The following ZZEF1 variants were observed in gnomAD, a reference collection of about 807,000 sequenced individuals.
ZZEF1 encodes zinc finger ZZ-type and EF-hand domain containing 1, also known as zinc finger ZZ-type and EF-hand domain-containing protein 1.
In ZZEF1, 157 loss-of-function variants were observed where a neutral mutation model predicts 342.8. The ratio of observed to expected loss-of-function variants is 0.46; its 90% confidence interval spans 0.40 to 0.52. ZZEF1 has a LOEUF of 0.52. Among genes scored for constraint, ZZEF1 ranks in the 20% least tolerant of loss-of-function variants. ZZEF1 has a pLI of 0.00. For missense variants in ZZEF1, 3,480 were observed against 3,725.6 expected, an observed-to-expected ratio of 0.93 and a Z score of 1.72; for synonymous variants, 1,505 against 1,429.1, an observed-to-expected ratio of 1.05 and a Z score of -1.20.
chr17:4,085,856 T>C, intron 15 of ZZEF1, 53 bp from the exon 16 acceptor site: 1 of 1,602,644 alleles, frequency 6.2e-7, no homozygotes, highest in Admixed American at 1.7e-5. Flanking sequence ...TATTCGCTTA[T>C]ACATCTGCTA....
intron 19 of ZZEF1, 118 bp downstream of exon 19, chr17:4,077,765 C>T (rs2057650273): frequency 9.1e-7 from 1 of 1,098,972 alleles, no homozygotes; most frequent in African/African-American, 1.6e-5. Flanking sequence ...GTCCAAGAAT[C>T]TGAATCGTAA....
rs1420384649 is a variant in ZZEF1 at position 4,086,559 on chromosome 17, C to T, written c.2439G>A (p.Glu813=). 1.2e-6 allele frequency: 2 copies of T among 1,614,062 alleles called. No individual in the cohort carries two copies. The highest frequency in any genetic ancestry group is 4.5e-5 in the East Asian group (2 of 44,892). Residue 813 remains glutamate (E), a synonymous_variant, in exon 15 of 55, where the codon GAG becomes GAA. Transcript: ENST00000381638. ...VLQGDVLAAS[E]EEKAPIQSPK... is the part of the protein sequence containing the mutation. ...GGCTTTGGATTGGAGCCTTTTCCTC[C>T]TCAGAAGCAGCCAGTACATCTCCCT...
intron 28 of ZZEF1, among the ~76,000 whole-genome samples, chr17:4,065,958 C>T (rs2057383538): frequency 1.3e-5 from 2 of 151,950 alleles, no homozygotes; most frequent in South Asian, 4.2e-4. Flanking sequence ...CAGTGAGACC[C>T]CTTCTCTAAA....
chr17:4,082,067 C>A (rs1193391260), intron 17 of ZZEF1, among the ~76,000 whole-genome samples: 1 of 152,192 alleles, frequency 6.6e-6, no homozygotes, highest in African/African-American at 2.4e-5. Context: ...GAAGACCTCC[C>A]CTCCCAGCAC....
chr17:4,067,652 G>C (rs924571902), intron 26 of ZZEF1, among the ~76,000 whole-genome samples: 1 of 152,142 alleles, frequency 6.6e-6, no homozygotes, highest in African/African-American at 2.4e-5. Context: ...TATTTAAAGA[G>C]AGTTTATATA....
intron 45 of ZZEF1, 130 bp downstream of exon 45, chr17:4,020,999 T>A (rs2056254261): frequency 1.0e-6 from 1 of 954,494 alleles, no homozygotes; most frequent in East Asian, 2.5e-5. Context: ...TAAGACTGAG[T>A]CTTTAGGAAG....
chr17:4,095,986 A>T lies in ZZEF1; in HGVS notation c.1765-7T>A, dbSNP rs1031886429. ...CAATGCCACCACGTCGAACCTGGAA[A>T]CAGAGATTAGGATGAAGTCTATCAA... On this transcript the variant is annotated splice_region_variant and splice_polypyrimidine_tract_variant and intron_variant, in intron 10 of 54. Transcript: ENST00000381638. 6.2e-7 allele frequency: 1 copy of T among 1,606,274 alleles called. No homozygotes were observed. The highest frequency in any genetic ancestry group is 8.5e-7 in the Non-Finnish European group (1 of 1,175,714).
At position 4,056,645 on chromosome 17, in the gene ZZEF1, C is replaced by T. The variant is rs2057166147; in HGVS notation, c.5166-300G>A. ...TCATTTATGGTGAACCTACTATGTGCCAGGCACTAGGGCCAAATAAAGTTA... is the reference window on the plus strand; with the variant it reads ...TCATTTATGGTGAACCTACTATGTGTCAGGCACTAGGGCCAAATAAAGTTA... On this transcript the variant is annotated intron_variant, in intron 32 of 54. Coordinates refer to ENST00000381638, the MANE Select transcript of ZZEF1 (RefSeq NM_015113.4). 1.1e-5 allele frequency: 2 copies of T among 174,752 alleles called. 1 individual carries two copies. Among genetic ancestry groups the T allele is most frequent in the East Asian group, 3.0e-4 (2 of 6,710 alleles). The allele number at this position is 174,752 out of a possible 1,614,324, so 10.8% of individuals were successfully genotyped here. A position where few individuals can be genotyped will look rare whatever the true frequency, so the allele number is the denominator to read the frequency against.
intron 24 of ZZEF1, among the ~76,000 whole-genome samples, chr17:4,073,202 ATTTC>A (rs1033058170): frequency 1.3e-5 from 2 of 152,172 alleles, no homozygotes; most frequent in South Asian, 2.1e-4. Flanking sequence ...GCTAATAGCT[ATTTC>A]TTTCTTTCTT....
intron 14 of ZZEF1, among the ~76,000 whole-genome samples, chr17:4,086,959 T>C (rs978900598): frequency 6.6e-6 from 1 of 152,172 alleles, no homozygotes; most frequent in Non-Finnish European, 1.5e-5. Flanking sequence ...CTCAGCTCAC[T>C]GCATCTCAGC....
Position 4,045,814 on chromosome 17 carries a change from C to T in ZZEF1, c.6016-1440G>A, listed in dbSNP as rs576290393. Among the ~76,000 whole-genome samples the T allele has an allele frequency of 1.4e-3, 199 of 147,354 alleles. 1 individual carries two copies. Among genetic ancestry groups the T allele is most frequent in the South Asian group, 2.3e-3 (11 of 4,692 alleles). ...TTTCCTAGCTGCTGTTTCCTAGATG[C>T]TGTTTTTTTGTTCTTGTTTTTTTTT... is the stretch of plus-strand genomic sequence containing the variant. On this transcript the variant is annotated intron_variant, in intron 37 of 54. Coordinates refer to ENST00000381638, the MANE Select transcript of ZZEF1 (RefSeq NM_015113.4).
intron 18 of ZZEF1, among the ~76,000 whole-genome samples, chr17:4,078,767 A>G (rs982096717): frequency 6.6e-6 from 1 of 152,188 alleles, no homozygotes; most frequent in Non-Finnish European, 1.5e-5. Context: ...TTTTAAAATC[A>G]CTGTATCCCC....
intron 29 of ZZEF1, 32 bp from the exon 30 acceptor site, chr17:4,062,949 G>A (rs781824): frequency 0.077 from 121,502 of 1,580,138 alleles, 6,276 homozygotes; most frequent in African/African-American, 0.22. Context: ...GGAACACCCA[G>A]AAAACTCTTG....
rs973712358 is a variant in ZZEF1 at position 4,142,909 on chromosome 17, T to C, written c.-14A>G. ...AGCGTTCCCCATGGGGTCTCCGTCTTGGGCGCCTGGCTCTGCAGCCGCCGC... is the reference window on the plus strand; with the variant it reads ...AGCGTTCCCCATGGGGTCTCCGTCTCGGGCGCCTGGCTCTGCAGCCGCCGC... On this transcript the variant is annotated 5_prime_UTR_variant, in exon 1 of 55. Transcript: ENST00000381638. 39 of 1,316,772 alleles carry C rather than the reference T, an allele frequency of 3.0e-5. No individual in the cohort carries two copies. In the African/African-American group the frequency reaches 5.2e-4, roughly 18 times the overall value. 81.6% of individuals were successfully genotyped at this position (1,316,772 alleles called of 1,614,324 possible).
At chr17:4,024,188 T>TTTTTTTTTG (rs1297789002) in intron 43 of ZZEF1, among the ~76,000 whole-genome samples, 2 of 120,140 alleles carry the variant, frequency 1.7e-5, no homozygotes, top group Non-Finnish European at 3.3e-5. Flanking sequence ...TTGCCCAGGT[T>TTTTTTTTTG]TTTTTTTTTT....
chr17:4,033,084 C>T, intron 40 of ZZEF1, 82 bp from the exon 41 acceptor site: 1 of 1,358,752 alleles, frequency 7.4e-7, no homozygotes, highest in African/African-American at 1.5e-5. Context: ...CCAAGGCAGA[C>T]CCAGAAGCCT....
Position 4,142,589 on chromosome 17 carries a change from G to C in ZZEF1, c.307C>G (p.Leu103Val), listed in dbSNP as rs772318083. ...CAGCCGGCGCCGCGAGCCTCCAGCA[G>C]CTCCCGGAACTGCTCCAGAGTGACA... ...ESVTLEQFRE[L>V]LEARGAGCSS... The change falls in exon 1 of 55, where the codon CTG becomes GTG. Residue 103 changes from leucine (L) to valine (V), a missense_variant. This residue lies in a region of ZZEF1 where 416 missense variants were observed against 374.2 expected (regional missense o/e 1.11). Transcript: ENST00000381638. 1.2e-6 allele frequency: 2 copies of C among 1,604,412 alleles called. No homozygotes were observed. The highest frequency in any genetic ancestry group is 1.3e-5 in the African/African-American group (1 of 74,926).
chr17:4,132,561 G>C (rs533355015), intron 1 of ZZEF1, among the ~76,000 whole-genome samples: 1 of 151,974 alleles, frequency 6.6e-6, no homozygotes, highest in Admixed American at 6.6e-5. Context: ...AGCCGGGCTT[G>C]GTGGCAGGCG....
chr17:4,013,809 A>C (rs2056030246), intron 51 of ZZEF1, among the ~76,000 whole-genome samples, 195 bp from the exon 52 acceptor site: 1 of 152,208 alleles, frequency 6.6e-6, no homozygotes, highest in South Asian at 2.1e-4. Flanking sequence ...TCATATTTCC[A>C]GTTCCTCCTT....
Sources: gnomAD v4.1 joint callset for allele counts (sites outside exome capture counted in the v4.1 genomes callset) on GRCh38, gnomAD v4.1.1 for gene constraint, gnomAD v4.1.1 regional missense constraint, MANE v1.5 for transcripts, NCBI Gene and HGNC (gene_info 2026-07-23, HGNC 2026-07-21) for gene names.